UBXN8: variants seen among roughly 807,000 people sequenced by gnomAD.
UBXN8 encodes the protein UBX domain protein 8, also known as UBX domain-containing protein 8.
Under a neutral mutation model 32.1 loss-of-function variants are expected in UBXN8, and 27 were observed. The observed-to-expected ratio is 0.84, with a 90% CI of 0.62 to 1.16. The LOEUF is 1.16. Among genes scored for constraint, UBXN8 ranks in the 50% most tolerant of loss-of-function variants. UBXN8 has a pLI of 0.00. For missense variants in UBXN8, 306 were observed against 311.4 expected (o/e 0.98, Z 0.13); for synonymous variants, 109 against 111.8 (o/e 0.98, Z 0.16).
chr8:30,746,520 T>C (rs1430382423), intron 1 of UBXN8, among the ~76,000 whole-genome samples: 2 of 139,786 alleles, frequency 1.4e-5, no homozygotes, highest in Middle Eastern at 3.6e-3. Context: ...GCTAGATTTT[T>C]TTTTTCTTTT....
chr8:30,751,869 C>T (rs1805530917), intron 2 of UBXN8, among the ~76,000 whole-genome samples: 1 of 151,172 alleles, frequency 6.6e-6, no homozygotes, highest in South Asian at 2.1e-4. Flanking sequence ...AGCTGTTCTA[C>T]AGAGTCAATG....
chr8:30,763,231 G>C lies in UBXN8; in HGVS notation c.571-42G>C, dbSNP rs759819121. The C allele has an allele frequency of 2.5e-6, 4 of 1,584,278 alleles. No homozygotes were observed. The African/African-American group carries it at 4.0e-5, about 16-fold the overall frequency. Reference sequence around the variant, plus strand: ...TTTATGGAATGAAAGGAATTGCAAAGAGCAATGGATCGGAGTTCTTATGTG... The same window carrying C: ...TTTATGGAATGAAAGGAATTGCAAACAGCAATGGATCGGAGTTCTTATGTG... On this transcript the variant is annotated intron_variant, in intron 6 of 7. Coordinates refer to ENST00000265616, the MANE Select transcript of UBXN8 (RefSeq NM_005671.4).
At chr8:30,731,447 T>G (rs1804956336), upstream of UBXN8, among the ~76,000 whole-genome samples, 1 of 152,044 alleles carries the variant, frequency 6.6e-6, no homozygotes, top group Non-Finnish European at 1.5e-5. Context: ...GATTCATCAG[T>G]TTTTGTACAT....
At chr8:30,743,041 G>A (rs1179142781), upstream of UBXN8, among the ~76,000 whole-genome samples, 1 of 152,108 alleles carries the variant, frequency 6.6e-6, no homozygotes, top group Non-Finnish European at 1.5e-5. Flanking sequence ...AAACTGAATA[G>A]TCAGGTGGGA....
At chr8:30,740,179 G>C (rs142182937), upstream of UBXN8, among the ~76,000 whole-genome samples, 77 of 151,928 alleles carry the variant, frequency 5.1e-4, no homozygotes, top group African/African-American at 1.8e-3. Flanking sequence ...GGCATGAGCC[G>C]CCACGGTCAG....
intron 1 of UBXN8, among the ~76,000 whole-genome samples, chr8:30,747,358 A>G (rs1457295168): frequency 9.8e-6 from 1 of 101,846 alleles, no homozygotes; most frequent in Non-Finnish European, 1.8e-5. Flanking sequence ...TTGCCCACGC[A>G]GGAGTGCAGT....
rs768953070 is a variant in UBXN8 at position 30,760,910 on chromosome 8, C to T, written c.551C>T (p.Pro184Leu). 2.0e-6 allele frequency: 3 copies of T among 1,536,968 alleles called. No individual in the cohort carries two copies. The South Asian group carries it at 3.7e-5, about 19-fold the overall frequency. ...TAGATTCCTGATTTACCTGAAGAAC[C>T]TTCTCAAACAGCAGAAGAAGTAAGT... The part of the protein sequence containing the change: ...CKEIPDLPEE[P>L]SQTAEEVVTV... Residue 184 changes from proline to leucine, a missense_variant, in exon 6 of 8, where the codon CCT (proline) becomes CTT (leucine). Pro to Leu is a moderately conservative substitution (Grantham distance 98). Coordinates refer to ENST00000265616, the MANE Select transcript of UBXN8 (RefSeq NM_005671.4).
rs199634258 is a variant in UBXN8 at position 30,760,443 on chromosome 8, A to ATTTT, written c.529-433_529-430dup. 2.6e-4 allele frequency among the ~76,000 whole-genome samples: 24 copies of ATTTT among 91,096 alleles called. No individual in the cohort carries two copies. The East Asian group carries it at 3.0e-3, about 11-fold the overall frequency. 59.8% of individuals were successfully genotyped at this position (91,096 alleles called of 152,430 possible). On this transcript the variant is annotated intron_variant, in intron 5 of 7. Transcript: ENST00000265616. ...ATCATATATATATATATATATATAT[A>ATTTT]TTTTTTTTTTTTTTTAAAGTGACAG...
chr8:30,732,158 C>T, upstream of UBXN8: 1 of 339,300 alleles, frequency 2.9e-6, no homozygotes, highest in Non-Finnish European at 5.3e-6. Context: ...TTCAAGAACT[C>T]CCCCACCATC....
In UBXN8 at chr8:30,744,235, C is replaced by T; in HGVS notation, c.46C>T (p.Pro16Ser). 6.2e-7 allele frequency: 1 copy of T among 1,613,888 alleles called. No homozygotes were observed. Among genetic ancestry groups the T allele is most frequent in the Non-Finnish European group, 8.5e-7 (1 of 1,179,858 alleles). ...VVGIFFLSAVPLVCLELRRGI... is the reference protein window; with the variant it reads ...VVGIFFLSAVSLVCLELRRGI... ...TGGCATTTTCTTCCTCTCTGCTGTC[C>T]CCCTTGTGTGTCTGGAGCTCCGGCG... Residue 16 changes from proline to serine, a missense_variant, in exon 1 of 8, where the codon CCC becomes TCC. Physicochemically the swap from Pro to Ser is moderately conservative, Grantham distance 74. Transcript: ENST00000265616.
intron 4 of UBXN8, among the ~76,000 whole-genome samples, 152 bp downstream of exon 4, chr8:30,754,939 T>C (rs973556908): frequency 6.6e-6 from 1 of 150,532 alleles, no homozygotes; most frequent in Admixed American, 6.7e-5. Flanking sequence ...GTTTATTACA[T>C]GGTTAAGGGG....
Position 30,751,261 on chromosome 8 carries a change from C to T in UBXN8, c.89-135C>T, listed in dbSNP as rs1489783054. 12 of 667,468 alleles carry T rather than the reference C, an allele frequency of 1.8e-5. No homozygotes were observed. In the East Asian group the frequency reaches 2.9e-4, roughly 16 times the overall value. 41.3% of individuals were successfully genotyped at this position (667,468 alleles called of 1,614,324 possible). On this transcript the variant is annotated intron_variant, in intron 1 of 7. Coordinates refer to ENST00000265616, the MANE Select transcript of UBXN8 (RefSeq NM_005671.4). The stretch of plus-strand genomic sequence containing the variant: ...GGGCATGTTGGCTCATGCCTATAAT[C>T]CTAGCACTTTGGGAGGCCAAGGCAG...
intron 2 of UBXN8, among the ~76,000 whole-genome samples, chr8:30,751,734 TTG>T (rs1805528340): frequency 6.6e-6 from 1 of 152,108 alleles, no homozygotes; most frequent in Admixed American, 6.6e-5. Flanking sequence ...TTATGAGAAA[TTG>T]TACATTTTTC....
intron 1 of UBXN8, among the ~76,000 whole-genome samples, chr8:30,738,964 G>C (rs1327670011): frequency 2.0e-5 from 3 of 150,670 alleles, no homozygotes; most frequent in Non-Finnish European, 4.4e-5. Context: ...CTCAAAAAAG[G>C]CTTTTTTGTT....
intron 4 of UBXN8, among the ~76,000 whole-genome samples, chr8:30,755,331 C>T (rs1385768991): frequency 6.6e-6 from 1 of 151,960 alleles, no homozygotes; most frequent in Non-Finnish European, 1.5e-5. Context: ...CTCACTGCAG[C>T]CTCAAACTCC....
Position 30,751,534 on chromosome 8 carries a change from A to G in UBXN8, c.211+16A>G, listed in dbSNP as rs531274114. 2.5e-6 allele frequency: 4 copies of G among 1,584,378 alleles called. No homozygotes were observed. Among genetic ancestry groups the G allele is most frequent in the Non-Finnish European group, 3.4e-6 (4 of 1,166,314 alleles). On this transcript the variant is annotated intron_variant, in intron 2 of 7. Transcript: ENST00000265616. ...TATCTGAAGGGTAAGTTTATTATTTATTCTACCCTTTTATACCATTCTACT... is the reference window on the plus strand; with the variant it reads ...TATCTGAAGGGTAAGTTTATTATTTGTTCTACCCTTTTATACCATTCTACT...
At chr8:30,731,300 G>A (rs1002586118), upstream of UBXN8, among the ~76,000 whole-genome samples, 2 of 152,150 alleles carry the variant, frequency 1.3e-5, no homozygotes, top group Admixed American at 6.5e-5. Context: ...TATAGATACC[G>A]GTGCTGAACA....
chr8:30,763,346 A>C lies in UBXN8; in HGVS notation c.644A>C (p.Gln215Pro). 5 of 1,613,426 alleles carry C rather than the reference A, an allele frequency of 3.1e-6. No individual in the cohort carries two copies. Among genetic ancestry groups the C allele is most frequent in the Non-Finnish European group, 4.2e-6 (5 of 1,179,318 alleles). ...AGGTTTTTGAAGTCCTACAGCTCAC[A>C]GGTAAGTGAAGGAATTCACATTTTG... ...RRRFLKSYSS[Q>P]VLFDWMTRIG... Residue 215 changes from glutamine to proline, a missense_variant and splice_region_variant, in exon 7 of 8, where the codon CAG (glutamine) becomes CCG (proline). By Grantham distance (76) the Gln-to-Pro change is moderately conservative. Transcript: ENST00000265616.
upstream of UBXN8, among the ~76,000 whole-genome samples, chr8:30,741,016 C>T (rs1805186439): frequency 6.6e-6 from 1 of 152,174 alleles, no homozygotes; most frequent in African/African-American, 2.4e-5. Context: ...ATTTCTTCAC[C>T]TTGTTGGGTG....
Sources: gnomAD v4.1 joint callset for allele counts (sites outside exome capture counted in the v4.1 genomes callset) on GRCh38, gnomAD v4.1.1 for gene constraint, MANE v1.5 for transcripts, NCBI Gene and HGNC (gene_info 2026-07-23, HGNC 2026-07-21) for gene names.